Variants in ARFGAP3 observed in about 807,000 individuals in gnomAD.
ARFGAP3 encodes ARF GTPase activating protein 3.
A neutral mutation model predicts 75.0 loss-of-function variants in ARFGAP3; 72 were observed. That is an observed-to-expected ratio of 0.96 (90% CI 0.79 to 1.17). The LOEUF is 1.17. Ranked by LOEUF, ARFGAP3 falls within the 50% of genes most tolerant of loss-of-function variation. The pLI, the probability that ARFGAP3 is intolerant of heterozygous loss-of-function variation, is 0.00. For missense variants in ARFGAP3, 620 were observed against 626.6 expected (o/e 0.99, Z 0.11); for synonymous variants, 221 against 217.9 (o/e 1.01, Z -0.13).
intron 13 of ARFGAP3, 113 bp downstream of exon 13, chr22:42,808,654 G>A: frequency 1.2e-6 from 1 of 822,634 alleles, no homozygotes; most frequent in Non-Finnish European, 1.9e-6. Flanking sequence ...TCAGGCCAGA[G>A]GGCATCTGGC....
chr22:42,807,187 A>G (rs1270896527), intron 13 of ARFGAP3, 24 bp from the exon 14 acceptor site: 1 of 1,592,818 alleles, frequency 6.3e-7, no homozygotes, highest in African/African-American at 1.3e-5. Flanking sequence ...GGAAAAGGAA[A>G]TGTTAGGCTC....
At chr22:42,797,654 C>G in intron 15 of ARFGAP3, 49 bp from the exon 16 acceptor site, 1 of 1,613,934 alleles carries the variant, frequency 6.2e-7, no homozygotes, top group Non-Finnish European at 8.5e-7. Context: ...GCAGCGATCC[C>G]TGACTCCCAC....
At chr22:42,852,451 C>T (rs907574401) in intron 1 of ARFGAP3, among the ~76,000 whole-genome samples, 4 of 152,084 alleles carry the variant, frequency 2.6e-5, no homozygotes. Context: ...CCTCCGCCTC[C>T]TGGGTTCAAG....
intron 4 of ARFGAP3, among the ~76,000 whole-genome samples, chr22:42,835,042 T>C (rs1454822458): frequency 6.6e-6 from 1 of 152,178 alleles, no homozygotes; most frequent in African/African-American, 2.4e-5. Context: ...TCATGAGCCA[T>C]CAATATATAT....
chr22:42,849,469 T>C (rs1927171582), intron 1 of ARFGAP3, among the ~76,000 whole-genome samples: 1 of 62,588 alleles, frequency 1.6e-5, no homozygotes, highest in East Asian at 2.3e-4. Flanking sequence ...CTAATCTTTA[T>C]GGCTTTTTTT....
At chr22:42,812,468 A>T (rs1243946212) in intron 11 of ARFGAP3, among the ~76,000 whole-genome samples, 1 of 152,158 alleles carries the variant, frequency 6.6e-6, no homozygotes, top group Non-Finnish European at 1.5e-5. Flanking sequence ...TGGAAATAAG[A>T]TGAGCACCAA....
At chr22:42,803,341 T>C (rs1396011136) in intron 14 of ARFGAP3, among the ~76,000 whole-genome samples, 1 of 152,142 alleles carries the variant, frequency 6.6e-6, no homozygotes, top group African/African-American at 2.4e-5. Context: ...TCCTAGACCC[T>C]GGGCTGGAGC....
At chr22:42,832,371 T>C (rs1926332177) in intron 5 of ARFGAP3, among the ~76,000 whole-genome samples, 1 of 150,748 alleles carries the variant, frequency 6.6e-6, no homozygotes, top group South Asian at 2.1e-4. Context: ...CTACTAAAAT[T>C]ACAAAAAAAA....
chr22:42,804,728 C>A (rs952188261), intron 14 of ARFGAP3, among the ~76,000 whole-genome samples: 1 of 152,100 alleles, frequency 6.6e-6, no homozygotes, highest in African/African-American at 2.4e-5. Flanking sequence ...GTTAGCCAGG[C>A]TGCTCTTGAA....
intron 2 of ARFGAP3, among the ~76,000 whole-genome samples, chr22:42,843,391 G>T (rs1390591070): frequency 7.9e-5 from 12 of 152,028 alleles, no homozygotes; most frequent in Non-Finnish European, 1.8e-4. Context: ...TCCCTCCCTT[G>T]TCTCCATTAT....
rs192901132 is a variant in ARFGAP3 at position 42,856,350 on chromosome 22, G to T, written c.69+764C>A. ...ACAACACTCGTGTCACAGGAGGGGC[G>T]GGGAGAGCCCACGCTGACGCGACAG... On this transcript the variant is annotated intron_variant, in intron 1 of 15. Coordinates refer to ENST00000263245, the MANE Select transcript of ARFGAP3 (RefSeq NM_014570.5). Among the ~76,000 whole-genome samples the T allele has an allele frequency of 6.7e-4, 102 of 152,344 alleles. 1 individual carries two copies. In the East Asian group the frequency reaches 0.017, roughly 26 times the overall value.
intron 2 of ARFGAP3, 65 bp downstream of exon 2, chr22:42,847,449 A>G: frequency 7.0e-7 from 1 of 1,420,700 alleles, no homozygotes; most frequent in South Asian, 1.2e-5. Flanking sequence ...GAAAAGAAAA[A>G]AGGGAAAAAA....
chr22:42,855,155 G>C (rs1373805873), intron 1 of ARFGAP3, among the ~76,000 whole-genome samples: 1 of 152,110 alleles, frequency 6.6e-6, no homozygotes, highest in Non-Finnish European at 1.5e-5. Context: ...CCTGTCCAAG[G>C]GTGACATACC....
At chr22:42,831,907 T>C (rs1926306469) in intron 5 of ARFGAP3, among the ~76,000 whole-genome samples, 1 of 152,056 alleles carries the variant, frequency 6.6e-6, no homozygotes, top group Non-Finnish European at 1.5e-5. Flanking sequence ...CTCAGCCTCC[T>C]GAGTAGCTGA....
chr22:42,830,128 A>AT (rs1044892825), intron 6 of ARFGAP3, among the ~76,000 whole-genome samples: 1 of 151,746 alleles, frequency 6.6e-6, no homozygotes, highest in Non-Finnish European at 1.5e-5. Context: ...TTTTCTTCTT[A>AT]TTTTTTTTAG....
chr22:42,832,082 C>G (rs1926315033), intron 5 of ARFGAP3, among the ~76,000 whole-genome samples: 1 of 151,708 alleles, frequency 6.6e-6, no homozygotes, highest in Non-Finnish European at 1.5e-5. Flanking sequence ...CATGCCTGGC[C>G]TGTTCTCCTC....
chr22:42,817,927 A>T, intron 9 of ARFGAP3, 70 bp from the exon 10 acceptor site: 1 of 1,341,948 alleles, frequency 7.5e-7, no homozygotes, highest in South Asian at 1.8e-5. Flanking sequence ...TAGCAAGCAA[A>T]ATTAAACATG....
rs370863498 is a variant in ARFGAP3 at position 42,833,643 on chromosome 22, C to T, written c.477+599G>A. ...TGGTGGCGTGCACCTGTTGTCCCAG[C>T]TACTCGGGAGGCTGAGGCAAGAGAA... On this transcript the variant is annotated intron_variant, in intron 5 of 15. Transcript: ENST00000263245. 6.5e-4 allele frequency among the ~76,000 whole-genome samples: 99 copies of T among 152,292 alleles called. 2 individuals carry two copies. The highest frequency in any genetic ancestry group is 2.3e-3 in the African/African-American group (95 of 41,568).
chr22:42,826,849 G>GTA, intron 7 of ARFGAP3, 91 bp downstream of exon 7: 1 of 1,043,272 alleles, frequency 9.6e-7, no homozygotes, highest in South Asian at 1.5e-5. Flanking sequence ...ACTCCGTCAG[G>GTA]TGAGATGCCC....
Sources: gnomAD v4.1 joint callset for allele counts (sites outside exome capture counted in the v4.1 genomes callset) on GRCh38, gnomAD v4.1.1 for gene constraint, MANE v1.5 for transcripts, NCBI Gene and HGNC (gene_info 2026-07-23, HGNC 2026-07-21) for gene names.